The following BEND2 variants were observed in gnomAD, a reference collection of about 807,000 sequenced individuals.
The protein encoded by BEND2 is BEN domain containing 2, also known as BEN domain-containing protein 2.
Under a neutral mutation model 43.8 loss-of-function variants are expected in BEND2, and 19 were observed. That is an observed-to-expected ratio of 0.43 (90% CI 0.30 to 0.64). The LOEUF (loss-of-function observed/expected upper bound fraction) is 0.64, where lower values mean the gene tolerates loss of function less well. Among genes scored for constraint, BEND2 ranks in the 30% least tolerant of loss-of-function variants. BEND2 has a pLI of 0.11. For synonymous variants in BEND2, 226 were observed against 210.1 expected, an observed-to-expected ratio of 1.08 and a Z score of -0.66; for missense variants, 544 against 574.0, an observed-to-expected ratio of 0.95 and a Z score of 0.53.
intron 10 of BEND2, among the ~76,000 whole-genome samples, chrX:18,176,506 C>T (rs1298432127): frequency 9.2e-6 from 1 of 109,177 alleles, no homozygotes; most frequent in Non-Finnish European, 1.9e-5. Context: ...AAGTGAGACC[C>T]CATCTCTATA....
chrX:18,165,791 A>G (rs1390374608), intron 13 of BEND2, among the ~76,000 whole-genome samples: 2 of 111,793 alleles, frequency 1.8e-5, no homozygotes, highest in Admixed American at 9.6e-5. Flanking sequence ...GAAGACAGAC[A>G]AGGAGAAAGG....
At chrX:18,183,928 G>A (rs771935589) in intron 8 of BEND2, among the ~76,000 whole-genome samples, 10 of 111,751 alleles carry the variant, frequency 8.9e-5, no homozygotes, top group Non-Finnish European at 1.7e-4. Flanking sequence ...CAAGGCTGGG[G>A]GGAACTCACC....
intron 6 of BEND2, among the ~76,000 whole-genome samples, chrX:18,200,502 C>CAAAAAA: frequency 2.6e-5 from 1 of 38,652 alleles, no homozygotes; most frequent in Non-Finnish European, 4.8e-5. Context: ...GACTCTGTCT[C>CAAAAAA]AAAAAAAAAA....
At chrX:18,205,405 AAAC>A (rs1368892701) in intron 4 of BEND2, among the ~76,000 whole-genome samples, 3 of 107,831 alleles carry the variant, frequency 2.8e-5, no homozygotes, top group East Asian at 2.9e-4. Context: ...CTCTAACAAA[AAAC>A]AACAACAACA....
In BEND2 at chrX:18,177,292, G is replaced by A. The variant is rs192751357; in HGVS notation, c.1630+277C>T. On this transcript the variant is annotated intron_variant, in intron 10 of 13. Transcript: ENST00000380033. Reference sequence around the variant, plus strand: ...TTTTTTTTTTTTGTAGCAAGTTTCAGGGCTAAAGAATTGACTTAGTACTAA... The same window carrying A: ...TTTTTTTTTTTTGTAGCAAGTTTCAAGGCTAAAGAATTGACTTAGTACTAA... 4.3e-3 allele frequency among the ~76,000 whole-genome samples: 377 copies of A among 87,026 alleles called. 4 individuals are homozygous for A. Among genetic ancestry groups the A allele is most frequent in the African/African-American group, 0.016 (348 of 22,034 alleles). The allele number at this position is 87,026 out of a possible 115,157, so 75.6% of individuals were successfully genotyped here. A position where few individuals can be genotyped will look rare whatever the true frequency, so the allele number is the denominator to read the frequency against.
At chrX:18,173,234 C>T (rs1185884878) in intron 12 of BEND2, among the ~76,000 whole-genome samples, 1 of 111,029 alleles carries the variant, frequency 9.0e-6, no homozygotes, top group African/African-American at 3.3e-5. Context: ...GCCTGCCTGA[C>T]GCTCGCTCAG....
chrX:18,204,016 C>T, intron 4 of BEND2, 101 bp from the exon 5 acceptor site: 1 of 787,886 alleles, frequency 1.3e-6, no homozygotes. Context: ...TTGTGTAAAT[C>T]CAGACGACCT....
intron 12 of BEND2, among the ~76,000 whole-genome samples, chrX:18,172,578 C>T (rs777444364): frequency 4.5e-5 from 5 of 110,425 alleles, no homozygotes; most frequent in Non-Finnish European, 7.6e-5. Context: ...TCTGTAGTCC[C>T]AGCTACTCAG....
At position 18,192,909 on chromosome X, in the gene BEND2, G is replaced by A. The variant is rs1391067276; in HGVS notation, c.1181-1801C>T. 3.6e-5 allele frequency among the ~76,000 whole-genome samples: 4 copies of A among 112,206 alleles called. No individual in the cohort carries two copies. The East Asian group carries it at 1.1e-3, about 31-fold the overall frequency. ...AATCCCAGCACTTTAGGAGGCCAAG[G>A]CAGGTGGATCACTTGGTGCCAGGAG... On this transcript the variant is annotated intron_variant, in intron 7 of 13. Coordinates refer to ENST00000380033, the MANE Select transcript of BEND2 (RefSeq NM_153346.5).
chrX:18,220,757 A>G lies in BEND2; in HGVS notation c.-7T>C, dbSNP rs1481496572. 1 of 1,206,702 alleles carries G rather than the reference A, an allele frequency of 8.3e-7. No homozygotes were observed. Among genetic ancestry groups the G allele is most frequent in the Admixed American group, 2.2e-5 (1 of 45,589 alleles). ...CCTGGGTCCTCTCTGACATCGTGAG[A>G]TGGCGGGGTCTGGCTCTGAGGCCCG... is the stretch of plus-strand genomic sequence containing the variant. On this transcript the variant is annotated 5_prime_UTR_variant, in exon 1 of 14. Coordinates refer to ENST00000380033, the MANE Select transcript of BEND2 (RefSeq NM_153346.5).
chrX:18,185,662 T>A (rs952637265), intron 8 of BEND2, among the ~76,000 whole-genome samples: 14 of 109,079 alleles, frequency 1.3e-4, no homozygotes, highest in South Asian at 4.0e-4. Flanking sequence ...GAAGACTACC[T>A]CAAGACATTT....
chrX:18,212,938 A>G (rs1156950192), intron 3 of BEND2, among the ~76,000 whole-genome samples: 2 of 112,381 alleles, frequency 1.8e-5, no homozygotes, highest in Non-Finnish European at 3.8e-5. Flanking sequence ...CTTAAAGCCT[A>G]CATAGTAAAT....
At chrX:18,220,413 AC>A (rs1925832847) in intron 1 of BEND2, among the ~76,000 whole-genome samples, 3 of 111,153 alleles carry the variant, frequency 2.7e-5, no homozygotes, top group South Asian at 7.8e-4. Context: ...AGCCCAAGTC[AC>A]CCCAACCCTG....
intron 13 of BEND2, among the ~76,000 whole-genome samples, chrX:18,169,222 G>C (rs1327311602): frequency 1.8e-5 from 2 of 111,188 alleles, no homozygotes; most frequent in African/African-American, 6.5e-5. Flanking sequence ...TATTAACATA[G>C]GTAGCAAAAG....
In BEND2 at chrX:18,177,558, T is replaced by A. The variant is rs371523068; in HGVS notation, c.1630+11A>T. Reference sequence around the variant, plus strand: ...AAAATAAGATTCCATTATCACTTTATGTACACATACCTCTCAATGCAGCCA... The same window carrying A: ...AAAATAAGATTCCATTATCACTTTAAGTACACATACCTCTCAATGCAGCCA... On this transcript the variant is annotated intron_variant, in intron 10 of 13. Transcript: ENST00000380033. 1.7e-6 allele frequency: 2 copies of A among 1,197,639 alleles called. No individual in the cohort carries two copies. The highest frequency in any genetic ancestry group is 2.3e-6 in the Non-Finnish European group (2 of 884,481).
chrX:18,217,766 A>G (rs1287929199), intron 1 of BEND2, among the ~76,000 whole-genome samples: 1 of 111,346 alleles, frequency 9.0e-6, no homozygotes, highest in East Asian at 2.8e-4. Context: ...CCTGAGCTGG[A>G]ATGGTATATT....
At chrX:18,211,784 GAA>G in intron 4 of BEND2, among the ~76,000 whole-genome samples, 1 of 92,210 alleles carries the variant, frequency 1.1e-5, no homozygotes. Context: ...CTCCATCTCA[GAA>G]AAAAAAAAAA....
chrX:18,216,853 A>G (rs751746756), intron 1 of BEND2, 120 bp from the exon 2 acceptor site: 248 of 565,102 alleles, frequency 4.4e-4, no homozygotes, highest in Middle Eastern at 3.3e-3. Flanking sequence ...GAAAATTTGT[A>G]TTACATATTT....
intron 5 of BEND2, among the ~76,000 whole-genome samples, chrX:18,202,742 C>T (rs1247426249): frequency 8.9e-6 from 1 of 111,755 alleles, no homozygotes; most frequent in Non-Finnish European, 1.9e-5. Context: ...TTTAAAAAAA[C>T]CTAAACATGC....
Sources: allele counts gnomAD v4.1 joint callset (sites outside exome capture counted in the v4.1 genomes callset), GRCh38; gene constraint gnomAD v4.1.1; transcripts MANE v1.5; gene names NCBI Gene and HGNC (gene_info 2026-07-23, HGNC 2026-07-21).